Variants in PRMT3 observed in about 807,000 individuals in gnomAD.
PRMT3 encodes protein arginine N-methyltransferase 3.
In PRMT3, 62 loss-of-function variants were observed where a neutral mutation model predicts 71.9. The observed-to-expected ratio is 0.86, with a 90% CI of 0.70 to 1.07. PRMT3 has a LOEUF of 1.07. Among genes scored for constraint, PRMT3 ranks in the 50% least tolerant of loss-of-function variants. The pLI is 0.00. For synonymous variants in PRMT3, 213 were observed against 220.4 expected (o/e 0.97, Z 0.30); for missense variants, 663 against 643.0 (o/e 1.03, Z -0.34).
intron 15 of PRMT3, among the ~76,000 whole-genome samples, chr11:20,498,783 A>C (rs1851392372): frequency 6.6e-6 from 1 of 152,222 alleles, no homozygotes; most frequent in Non-Finnish European, 1.5e-5. Flanking sequence ...TGATTAATTG[A>C]ATGACATTTT....
In PRMT3 at chr11:20,508,815, G is replaced by T. The variant is rs1851660721; in HGVS notation, c.*402G>T. On this transcript the variant is annotated 3_prime_UTR_variant, in exon 16 of 16. Transcript: ENST00000331079. ...ATATTTTATTAAACTAGTAACACAG[G>T]TACTACACATTTTATTATGGACTCC... is the stretch of plus-strand genomic sequence containing the variant. The T allele has an allele frequency of 3.8e-6, 1 of 265,800 alleles. No homozygotes were observed. The highest frequency in any genetic ancestry group is 7.7e-6 in the Non-Finnish European group (1 of 130,468). 16.5% of individuals were successfully genotyped at this position (265,800 alleles called of 1,614,324 possible).
chr11:20,428,980 A>G (rs1302079515), intron 10 of PRMT3, among the ~76,000 whole-genome samples: 1 of 152,186 alleles, frequency 6.6e-6, no homozygotes, highest in Non-Finnish European at 1.5e-5. Context: ...ACTTGTGGGC[A>G]TTGTCAAGTC....
rs967046747 is a variant in PRMT3, at chr11:20,409,933, A to G, written c.893+1901A>G. 5.9e-5 allele frequency among the ~76,000 whole-genome samples: 9 copies of G among 152,064 alleles called. No individual in the cohort carries two copies. The South Asian group carries it at 6.2e-4, about 10-fold the overall frequency. On this transcript the variant is annotated intron_variant, in intron 9 of 15. Transcript: ENST00000331079. The stretch of plus-strand genomic sequence containing the variant: ...GTTGATAGTAAAATTATGGTGAGCT[A>G]TTTCTACTAGAATTTCTAGTCTTAT...
chr11:20,437,023 T>A (rs1323406624), intron 10 of PRMT3, among the ~76,000 whole-genome samples: 1 of 152,182 alleles, frequency 6.6e-6, no homozygotes, highest in African/African-American at 2.4e-5. Context: ...CAGGAATGTA[T>A]CCATTTCCTC....
intron 13 of PRMT3, among the ~76,000 whole-genome samples, chr11:20,477,219 A>C (rs1850812155): frequency 6.6e-6 from 1 of 152,198 alleles, no homozygotes; most frequent in Non-Finnish European, 1.5e-5. Context: ...ATTGGAGGGA[A>C]AAGGTCCTGA....
intron 13 of PRMT3, among the ~76,000 whole-genome samples, chr11:20,469,691 C>T (rs748833676): frequency 5.3e-5 from 8 of 152,160 alleles, no homozygotes; most frequent in Non-Finnish European, 1.0e-4. Flanking sequence ...ATCATGTCAT[C>T]ACCCAAAATT....
chr11:20,489,777 T>C (rs2133447703), intron 13 of PRMT3, among the ~76,000 whole-genome samples: 1 of 151,900 alleles, frequency 6.6e-6, no homozygotes, highest in Non-Finnish European at 1.5e-5. Flanking sequence ...GGGTTTTTTT[T>C]TTTCTTAATC....
chr11:20,498,976 A>T (rs1851397033), intron 15 of PRMT3, among the ~76,000 whole-genome samples: 1 of 152,216 alleles, frequency 6.6e-6, no homozygotes, highest in Non-Finnish European at 1.5e-5. Flanking sequence ...GGAAACTTGG[A>T]TCTTAACAAA....
intron 15 of PRMT3, among the ~76,000 whole-genome samples, chr11:20,499,534 G>A (rs1851409702): frequency 6.6e-6 from 1 of 152,168 alleles, no homozygotes; most frequent in Non-Finnish European, 1.5e-5. Context: ...GGCTGAGGCA[G>A]GAGGATTGCT....
chr11:20,388,237 G>C, intron 2 of PRMT3, 83 bp downstream of exon 2: 1 of 1,586,684 alleles, frequency 6.3e-7, no homozygotes, highest in Non-Finnish European at 8.6e-7. Context: ...CTTCGGGCGG[G>C]AGGCAAGCCA....
At chr11:20,417,054 C>A (rs1223135067) in intron 9 of PRMT3, among the ~76,000 whole-genome samples, 1 of 152,136 alleles carries the variant, frequency 6.6e-6, no homozygotes, top group Non-Finnish European at 1.5e-5. Flanking sequence ...CAATGGTTTG[C>A]GTTGTGAAGA....
chr11:20,506,393 C>T (rs1851591023), intron 15 of PRMT3, among the ~76,000 whole-genome samples: 1 of 151,552 alleles, frequency 6.6e-6, no homozygotes, highest in Admixed American at 6.6e-5. Flanking sequence ...AACATATATA[C>T]GTACACAAAA....
chr11:20,460,014 C>G (rs1272928715), intron 11 of PRMT3, among the ~76,000 whole-genome samples: 1 of 152,146 alleles, frequency 6.6e-6, no homozygotes, highest in Non-Finnish European at 1.5e-5. Flanking sequence ...TGAGAAACTT[C>G]TTATCAGTGA....
chr11:20,474,434 A>G (rs745963403), intron 13 of PRMT3, among the ~76,000 whole-genome samples: 1 of 152,166 alleles, frequency 6.6e-6, no homozygotes, highest in Non-Finnish European at 1.5e-5. Flanking sequence ...TTCCCCTCCT[A>G]AGAGTATCTA....
At chr11:20,418,912 GAGAACTTTGCCACCAA>G (rs1412810407) in intron 9 of PRMT3, among the ~76,000 whole-genome samples, 5 of 152,108 alleles carry the variant, frequency 3.3e-5, no homozygotes, top group African/African-American at 1.2e-4. Context: ...CCCAGGCCAA[GAGAACTTTGCCACCAA>G]TTCAGAATCC....
At chr11:20,471,565 G>T (rs1014304558) in intron 13 of PRMT3, among the ~76,000 whole-genome samples, 2 of 152,016 alleles carry the variant, frequency 1.3e-5, no homozygotes, top group African/African-American at 2.4e-5. Flanking sequence ...CGTTCCATTG[G>T]TCTATGTGTC....
chr11:20,494,044 GTT>G, intron 14 of PRMT3, 75 bp downstream of exon 14: 1 of 1,458,834 alleles, frequency 6.9e-7, no homozygotes. Flanking sequence ...GCCCCAAGGT[GTT>G]TAATCATAAG....
intron 13 of PRMT3, among the ~76,000 whole-genome samples, chr11:20,489,295 C>T (rs1416328553): frequency 3.3e-5 from 5 of 152,174 alleles, no homozygotes; most frequent in Non-Finnish European, 7.3e-5. Context: ...CCAACTCCTA[C>T]AGATAGATTT....
chr11:20,445,108 T>C (rs1429604629), intron 10 of PRMT3, among the ~76,000 whole-genome samples: 1 of 152,020 alleles, frequency 6.6e-6, no homozygotes, highest in Non-Finnish European at 1.5e-5. Flanking sequence ...ATTTCTTCTA[T>C]ATAGCACTTT....
Sources: gnomAD v4.1 joint callset for allele counts (sites outside exome capture counted in the v4.1 genomes callset) on GRCh38, gnomAD v4.1.1 for gene constraint, MANE v1.5 for transcripts, NCBI Gene and HGNC (gene_info 2026-07-23, HGNC 2026-07-21) for gene names.